NSMCE4A: variants seen among roughly 807,000 people sequenced by gnomAD.
NSMCE4A encodes NSE4A component of SMC5/6 complex.
In NSMCE4A, 40 loss-of-function variants were observed where a neutral mutation model predicts 47.9. The observed-to-expected ratio is 0.83, with a 90% CI of 0.65 to 1.09. The LOEUF (loss-of-function observed/expected upper bound fraction) is 1.09. NSMCE4A is among the 50% of genes least tolerant of loss of function. NSMCE4A has a pLI of 0.00. For missense variants in NSMCE4A, 500 were observed against 507.0 expected (o/e 0.99, Z 0.13); for synonymous variants, 166 against 178.5 (o/e 0.93, Z 0.56).
chr10:121,971,382 C>T (rs1375473828), intron 2 of NSMCE4A, among the ~76,000 whole-genome samples: 2 of 152,032 alleles, frequency 1.3e-5, no homozygotes, highest in Non-Finnish European at 2.9e-5. Context: ...TGGTGGCGGG[C>T]GCCTGTAGTC....
rs1254872504 is a variant in NSMCE4A at position 121,960,225 on chromosome 10, GTAGT to G, written c.988+129_988+132del. 28 of 546,794 alleles carry G rather than the reference GTAGT, an allele frequency of 5.1e-5. No individual in the cohort carries two copies. Among genetic ancestry groups the G allele is most frequent in the Non-Finnish European group, 3.0e-6 (1 of 336,348 alleles). 33.9% of individuals were successfully genotyped at this position (546,794 alleles called of 1,614,324 possible). On this transcript the variant is annotated intron_variant, in intron 8 of 10. Coordinates refer to ENST00000369023, the MANE Select transcript of NSMCE4A (RefSeq NM_017615.3). This position sits in a 1 kb window ranked among gnomAD's most constrained non-coding sequence, Gnocchi z 4.2. ...CTGGCCATGTTTTCAGTATCTTCAG[GTAGT>G]TGAGCAAGATACAATATTGTAAAAG...
At chr10:121,964,638 C>T (rs1365205023) in intron 5 of NSMCE4A, among the ~76,000 whole-genome samples, 1 of 151,826 alleles carries the variant, frequency 6.6e-6, no homozygotes, top group African/African-American at 2.4e-5. Flanking sequence ...GACGGGGTTT[C>T]CCCGTATTGG....
At chr10:121,968,068 G>A (rs1304114427) in intron 3 of NSMCE4A, among the ~76,000 whole-genome samples, 1 of 152,162 alleles carries the variant, frequency 6.6e-6, no homozygotes, top group Non-Finnish European at 1.5e-5. Context: ...TAGACCAGTG[G>A]TTCTCAACCT....
intron 1 of NSMCE4A, 38 bp from the exon 2 acceptor site, chr10:121,974,119 G>T: frequency 6.6e-7 from 1 of 1,522,804 alleles, no homozygotes; most frequent in Non-Finnish European, 9.0e-7. Flanking sequence ...AATTTGTTCA[G>T]CATTCACTAA....
intron 2 of NSMCE4A, among the ~76,000 whole-genome samples, chr10:121,972,612 G>A (rs560653534): frequency 6.6e-6 from 1 of 152,256 alleles, no homozygotes; most frequent in African/African-American, 2.4e-5. Context: ...GAATGATGTG[G>A]GGATAAAGAA....
intron 5 of NSMCE4A, among the ~76,000 whole-genome samples, chr10:121,964,274 C>G (rs1952562874): frequency 6.7e-6 from 1 of 150,316 alleles, no homozygotes; most frequent in South Asian, 2.1e-4. Context: ...TCCAGAGTAG[C>G]TGGGATTAGA....
chr10:121,964,885 C>T (rs1952576970), intron 5 of NSMCE4A, among the ~76,000 whole-genome samples: 1 of 152,146 alleles, frequency 6.6e-6, no homozygotes, highest in Admixed American at 6.5e-5. Flanking sequence ...CCCCACCTCC[C>T]CAGGGAACAT....
chr10:121,965,676 C>A (rs72839625), intron 4 of NSMCE4A: 22,792 of 297,372 alleles, frequency 0.077, 1,106 homozygotes, highest in Admixed American at 0.17. Flanking sequence ...ATCTTCCCAC[C>A]ACCCAACCTA....
At chr10:121,959,950 A>G in intron 8 of NSMCE4A, 1 of 322,976 alleles carries the variant, frequency 3.1e-6, no homozygotes, top group South Asian at 4.4e-5. Context: ...TCCACAGGAG[A>G]CCTTAGGAGG....
intron 2 of NSMCE4A, among the ~76,000 whole-genome samples, 161 bp downstream of exon 2, chr10:121,973,843 T>G (rs1952764178): frequency 6.6e-6 from 1 of 152,216 alleles, no homozygotes. Context: ...ATATGGTAAG[T>G]GCATAATAAA....
chr10:121,969,714 CTGAT>C (rs757523201), intron 3 of NSMCE4A, among the ~76,000 whole-genome samples: 13 of 152,212 alleles, frequency 8.5e-5, no homozygotes, highest in South Asian at 4.1e-4. Context: ...GACAGATTGA[CTGAT>C]TGATTGATTG....
At position 121,974,154 on chromosome 10, in the gene NSMCE4A, T is replaced by C. The variant is rs1477941205; in HGVS notation, c.293-73A>G. Reference sequence around the variant, plus strand: ...ATAAGCAGTTGACAAGGTTATCACCTGCAACAGTAAAGCCAAGCCCCGGCC... The same window carrying C: ...ATAAGCAGTTGACAAGGTTATCACCCGCAACAGTAAAGCCAAGCCCCGGCC... On this transcript the variant is annotated intron_variant, in intron 1 of 10. Coordinates refer to ENST00000369023, the MANE Select transcript of NSMCE4A (RefSeq NM_017615.3). The C allele has an allele frequency of 5.0e-6, 7 of 1,390,088 alleles. No homozygotes were observed. The South Asian group carries it at 6.2e-5, about 12-fold the overall frequency. 86.1% of individuals were successfully genotyped at this position (1,390,088 alleles called of 1,614,324 possible).
Position 121,960,677 on chromosome 10 carries a change from T to C in NSMCE4A, c.940-271A>G, listed in dbSNP as rs1952481612. 6.6e-6 allele frequency among the ~76,000 whole-genome samples: 1 copy of C among 152,232 alleles called. No homozygotes were observed. Among genetic ancestry groups the C allele is most frequent in the Non-Finnish European group, 1.5e-5 (1 of 68,034 alleles). ...TCATCTTGTCTCTTTAACTGATTTA[T>C]ACATATTTTGGAATACTCCACATTT... is the stretch of plus-strand genomic sequence containing the variant. On this transcript the variant is annotated intron_variant, in intron 7 of 10. Coordinates refer to ENST00000369023, the MANE Select transcript of NSMCE4A (RefSeq NM_017615.3). This position sits in a 1 kb window ranked among gnomAD's most constrained non-coding sequence, Gnocchi z 4.2.
At chr10:121,964,992 C>T (rs1013350673) in intron 5 of NSMCE4A, among the ~76,000 whole-genome samples, 8 of 152,062 alleles carry the variant, frequency 5.3e-5, no homozygotes, top group African/African-American at 1.9e-4. Context: ...CGCTAAGCAT[C>T]CTACAATGCG....
At chr10:121,967,333 ACCACAGG>A (rs1952625822) in intron 4 of NSMCE4A, 1 of 205,592 alleles carries the variant, frequency 4.9e-6, no homozygotes, top group Admixed American at 5.9e-5. Flanking sequence ...AGTAGCCAGG[ACCACAGG>A]CATGGGCCAC....
chr10:121,969,104 G>T (rs1226416740), intron 3 of NSMCE4A, among the ~76,000 whole-genome samples: 1 of 152,202 alleles, frequency 6.6e-6, no homozygotes, highest in Non-Finnish European at 1.5e-5. Flanking sequence ...CAGCACTTTG[G>T]GAAGTCCAGG....
rs143064887 is a variant in NSMCE4A, at chr10:121,965,369, C to T, written c.670G>A (p.Gly224Arg). Residue 224 changes from glycine (G) to arginine (R), a missense_variant, in exon 5 of 11, where the codon GGA becomes AGA. Physicochemically the swap from Gly to Arg is moderately radical, Grantham distance 125. Transcript: ENST00000369023. ...CGTGGCTTTGGCACAGGGCACTCTC[C>T]GTATATTGAACCCAACCTAATGAAA... ...TFHFLLGSIY[G>R]ECPVPKPRVD... The T allele has an allele frequency of 1.7e-5, 28 of 1,612,848 alleles. No individual in the cohort carries two copies. The East Asian group carries it at 4.0e-4, about 23-fold the overall frequency.
intron 10 of NSMCE4A, among the ~76,000 whole-genome samples, chr10:121,957,995 C>G (rs1230504676): frequency 6.6e-6 from 1 of 151,390 alleles, no homozygotes; most frequent in Non-Finnish European, 1.5e-5. Flanking sequence ...TTTGGGAGGC[C>G]GAGGCGGGCG....
chr10:121,974,422 G>A, intron 1 of NSMCE4A: 1 of 1,029,166 alleles, frequency 9.7e-7, no homozygotes, highest in Non-Finnish European at 1.2e-6. Context: ...CAGTTGCGCG[G>A]ACCCACCCAG....
Sources: gnomAD v4.1 joint callset for allele counts (sites outside exome capture counted in the v4.1 genomes callset) on GRCh38, gnomAD v4.1.1 for gene constraint, Gnocchi (gnomAD v3.1) non-coding constraint, MANE v1.5 for transcripts, NCBI Gene and HGNC (gene_info 2026-07-23, HGNC 2026-07-21) for gene names.